CDH6: variants seen among roughly 807,000 people sequenced by gnomAD.
CDH6 encodes the protein cadherin-6.
In CDH6, 31 loss-of-function variants were observed where a neutral mutation model predicts 78.0. The ratio of observed to expected loss-of-function variants is 0.40; its 90% CI spans 0.30 to 0.54. CDH6 has a LOEUF of 0.54. Ranked by LOEUF, CDH6 falls within the 20% of genes least tolerant of loss-of-function variation. CDH6 has a pLI of 0.56. For missense variants in CDH6, 724 were observed against 975.9 expected (o/e 0.74, Z 3.44); for synonymous variants, 376 against 368.8 (o/e 1.02, Z -0.23).
rs540033143 is a variant in CDH6 at position 31,273,470 on chromosome 5, T to C, written c.228+5769T>C. Among the ~76,000 whole-genome samples, 5 of 152,304 alleles carry C rather than the reference T, an allele frequency of 3.3e-5. No homozygotes were observed. In the East Asian group the frequency reaches 7.7e-4, roughly 23 times the overall value. On this transcript the variant is annotated intron_variant, in intron 2 of 11. Transcript: ENST00000265071. ...CGCAGCAACCCTAATGCATGGGTAT[T>C]GTTTCCATACAGATGAGTAAACTAA... is the stretch of plus-strand genomic sequence containing the variant.
chr5:31,278,420 C>A (rs1742761530), intron 2 of CDH6, among the ~76,000 whole-genome samples: 2 of 152,088 alleles, frequency 1.3e-5, no homozygotes. Context: ...AAAGATATAA[C>A]AAATAATATT....
chr5:31,297,752 T>G (rs1737653876), intron 4 of CDH6, among the ~76,000 whole-genome samples: 1 of 152,216 alleles, frequency 6.6e-6, no homozygotes, highest in Non-Finnish European at 1.5e-5. Flanking sequence ...TTAGTAGGAT[T>G]GTGTCTCTCT....
At chr5:31,234,695 A>T (rs17475032) in intron 1 of CDH6, among the ~76,000 whole-genome samples, 10,049 of 152,134 alleles carry the variant, frequency 0.066, 496 homozygotes, top group South Asian at 0.22. Flanking sequence ...ATAAAAATAG[A>T]CCTTTCTTCT....
rs562926810 is a variant in CDH6, at chr5:31,318,195, G to A, written c.1882+271G>A. On this transcript the variant is annotated intron_variant, in intron 11 of 11. Coordinates refer to ENST00000265071, the MANE Select transcript of CDH6 (RefSeq NM_004932.4). Reference sequence around the variant, plus strand: ...TATCAGACTGGGAATGAATCTCGGGGGATTTCAGGGCAACATAAATGTGCC... The same window carrying A: ...TATCAGACTGGGAATGAATCTCGGGAGATTTCAGGGCAACATAAATGTGCC... 11 of 590,286 alleles carry A rather than the reference G, an allele frequency of 1.9e-5. 1 individual carries two copies. The highest frequency in any genetic ancestry group is 1.1e-4 in the African/African-American group (6 of 53,828). 36.6% of individuals were successfully genotyped at this position (590,286 alleles called of 1,614,324 possible).
At chr5:31,275,014 A>T (rs1742652359) in intron 2 of CDH6, among the ~76,000 whole-genome samples, 1 of 152,172 alleles carries the variant, frequency 6.6e-6, no homozygotes, top group African/African-American at 2.4e-5. Context: ...GGCATTGTTA[A>T]GTATTTCTTT....
intron 1 of CDH6, among the ~76,000 whole-genome samples, chr5:31,263,722 A>G (rs1742273374): frequency 6.6e-6 from 1 of 152,132 alleles, no homozygotes; most frequent in South Asian, 2.1e-4. Flanking sequence ...CCCACCTCTT[A>G]ATACTGCCAC....
intron 3 of CDH6, among the ~76,000 whole-genome samples, chr5:31,296,547 T>A (rs1446681622): frequency 1.3e-5 from 2 of 152,210 alleles, no homozygotes; most frequent in African/African-American, 4.8e-5. Flanking sequence ...CATTGATTCT[T>A]TATGTAATCC....
intron 1 of CDH6, among the ~76,000 whole-genome samples, chr5:31,264,701 T>C (rs1455207689): frequency 6.6e-6 from 1 of 152,186 alleles, no homozygotes. Context: ...GTAATTCAAT[T>C]ACATATATTA....
chr5:31,313,554 A>G, intron 8 of CDH6, 100 bp downstream of exon 8: 4 of 1,125,990 alleles, frequency 3.6e-6, no homozygotes, highest in Non-Finnish European at 3.8e-6. Flanking sequence ...TGACAATCCC[A>G]CTTGATATAT....
At chr5:31,284,129 C>A (rs185600438) in intron 2 of CDH6, among the ~76,000 whole-genome samples, 3 of 152,088 alleles carry the variant, frequency 2.0e-5, no homozygotes, top group African/African-American at 7.2e-5. Flanking sequence ...TTTCTAGATC[C>A]TTTTCAAGCC....
chr5:31,276,934 G>A (rs1359026187), intron 2 of CDH6, among the ~76,000 whole-genome samples: 1 of 152,168 alleles, frequency 6.6e-6, no homozygotes, highest in Non-Finnish European at 1.5e-5. Context: ...ACGTAAGGAG[G>A]GAAGGTGCCC....
rs1409796189 is a variant in CDH6 at position 31,263,349 on chromosome 5, C to G, written c.-128-3997C>G. On this transcript the variant is annotated intron_variant, in intron 1 of 11. Transcript: ENST00000265071. ...TCTCTGCTCACTGCAACCTCCGCAT[C>G]CTGGGTTCAAGCGCCTCCTGCCTCA... 2.0e-5 allele frequency among the ~76,000 whole-genome samples: 3 copies of G among 151,166 alleles called. No individual in the cohort carries two copies. The East Asian group carries it at 5.9e-4, about 29-fold the overall frequency.
At chr5:31,200,612 A>G (rs1012197287) in intron 1 of CDH6, among the ~76,000 whole-genome samples, 1 of 150,482 alleles carries the variant, frequency 6.6e-6, no homozygotes, top group Non-Finnish European at 1.5e-5. Flanking sequence ...ACACACCACT[A>G]CCATGCCACC....
At chr5:31,268,971 T>C (rs1237954032) in intron 2 of CDH6, among the ~76,000 whole-genome samples, 1 of 152,162 alleles carries the variant, frequency 6.6e-6, no homozygotes, top group African/African-American at 2.4e-5. Context: ...GATCTAGCCA[T>C]GTATTTGCTG....
chr5:31,305,444 G>C lies in CDH6; in HGVS notation c.1253+17G>C. On this transcript the variant is annotated intron_variant, in intron 7 of 11. Transcript: ENST00000265071. ...TCCTGTCAAGTAAGCACACTTCTGC[G>C]ACATGTCTCTTTCATAAGCTTCAGT... The C allele has an allele frequency of 6.2e-7, 1 of 1,600,442 alleles. No homozygotes were observed. The highest frequency in any genetic ancestry group is 8.5e-7 in the Non-Finnish European group (1 of 1,172,668).
At chr5:31,214,222 A>G (rs74889528) in intron 1 of CDH6, among the ~76,000 whole-genome samples, 2,338 of 152,016 alleles carry the variant, frequency 0.015, 63 homozygotes, top group African/African-American at 0.054. Context: ...GAAAGAGGTC[A>G]CAAGGCATGT....
intron 7 of CDH6, among the ~76,000 whole-genome samples, chr5:31,307,224 TA>T (rs1409933258): frequency 6.6e-6 from 1 of 152,212 alleles, no homozygotes; most frequent in African/African-American, 2.4e-5. Flanking sequence ...AAGAGTTAAC[TA>T]ATCTAAAACT....
intron 1 of CDH6, among the ~76,000 whole-genome samples, chr5:31,241,532 T>C (rs1741601264): frequency 6.6e-6 from 1 of 152,146 alleles, no homozygotes; most frequent in Non-Finnish European, 1.5e-5. Context: ...AACCTGAAAA[T>C]GAAAGTGCTT....
chr5:31,294,121 G>A lies in CDH6; in HGVS notation c.388G>A (p.Ala130Thr). 6.2e-7 allele frequency: 1 copy of A among 1,613,860 alleles called. No homozygotes were observed. Among genetic ancestry groups the A allele is most frequent in the Non-Finnish European group, 8.5e-7 (1 of 1,179,936 alleles). The part of the protein sequence containing the change: ...EKPVYILRAQ[A>T]INRRTGRPVE... ...ACCCGTTTACATCCTTCGAGCTCAA[G>A]CTATAAACAGAAGGACAGGGAGACC... Residue 130 changes from alanine (A) to threonine (T), a missense_variant, in exon 3 of 12, where the codon GCT becomes ACT. Ala to Thr is a moderately conservative substitution (Grantham distance 58). Coordinates refer to ENST00000265071, the MANE Select transcript of CDH6 (RefSeq NM_004932.4). This position sits in a 1 kb window ranked among gnomAD's most constrained non-coding sequence, Gnocchi z 4.1.
Sources: gnomAD v4.1 joint callset for allele counts (sites outside exome capture counted in the v4.1 genomes callset) on GRCh38, gnomAD v4.1.1 for gene constraint, Gnocchi (gnomAD v3.1) non-coding constraint, MANE v1.5 for transcripts, NCBI Gene and HGNC (gene_info 2026-07-23, HGNC 2026-07-21) for gene names.